The following GPR143 variants were observed in gnomAD, a reference collection of about 807,000 sequenced individuals.
GPR143 encodes the protein G protein-coupled receptor 143.
A neutral mutation model predicts 27.6 loss-of-function variants in GPR143; 8 were observed. The observed-to-expected ratio is 0.29, with a 90% CI of 0.17 to 0.52. GPR143 has a LOEUF of 0.52. GPR143 is among the 20% of genes least tolerant of loss of function. The pLI is 0.96. For missense variants in GPR143, 303 were observed against 343.1 expected (o/e 0.88, Z 0.92); for synonymous variants, 156 against 153.2 (o/e 1.02, Z -0.13).
intron 1 of GPR143, among the ~76,000 whole-genome samples, chrX:9,776,549 CTTTT>C (rs145411367): frequency 5.6e-5 from 4 of 71,603 alleles, no homozygotes; most frequent in East Asian, 8.9e-4. Context: ...CCATGCCTAG[CTTTT>C]TTTTTTTTTT....
intron 3 of GPR143, among the ~76,000 whole-genome samples, chrX:9,749,271 G>A (rs1048352488): frequency 2.1e-5 from 2 of 94,724 alleles, no homozygotes; most frequent in African/African-American, 4.1e-5. Context: ...GCTGCCTTGT[G>A]AAGAAGGTGT....
chrX:9,770,160 C>CAAAAA (rs55901901), upstream of GPR143, among the ~76,000 whole-genome samples: 1 of 26,825 alleles, frequency 3.7e-5, no homozygotes, highest in Non-Finnish European at 5.8e-5. Context: ...CTCCCCCAGT[C>CAAAAA]AAAAAAAAAA....
intron 1 of GPR143, among the ~76,000 whole-genome samples, chrX:9,772,813 C>CAAAAAA (rs57110568): frequency 4.0e-5 from 2 of 49,815 alleles, no homozygotes; most frequent in Non-Finnish European, 3.5e-5. Context: ...GATCCTGTCT[C>CAAAAAA]AAAAAAAAAA....
chrX:9,730,899 C>T (rs974726647), intron 8 of GPR143, among the ~76,000 whole-genome samples: 1 of 111,421 alleles, frequency 9.0e-6, no homozygotes, highest in Non-Finnish European at 1.9e-5. Flanking sequence ...CCACATTTAT[C>T]TCTACAGCTT....
chrX:9,776,364 G>A (rs752436767), intron 1 of GPR143, among the ~76,000 whole-genome samples: 2 of 111,552 alleles, frequency 1.8e-5, no homozygotes, highest in East Asian at 2.8e-4. Flanking sequence ...TAAACGTAAC[G>A]TGTGTATAAC....
chrX:9,739,626 T>A lies in GPR143; in HGVS notation c.979A>T (p.Ile327Phe). 2 of 1,203,861 alleles carry A rather than the reference T, an allele frequency of 1.7e-6. No individual in the cohort carries two copies. Among genetic ancestry groups the A allele is most frequent in the Non-Finnish European group, 2.2e-6 (2 of 890,385 alleles). Reference protein sequence around the residue: ...SLGFQSPRKEIQWESLTTSAA... With the variant: ...SLGFQSPRKEFQWESLTTSAA... Reference sequence around the variant, plus strand: ...GAGGTGGTCAGTGATTCCCACTGGATCTCCTTCCTGGGAGACTGAAAACCC... The same window carrying A: ...GAGGTGGTCAGTGATTCCCACTGGAACTCCTTCCTGGGAGACTGAAAACCC... Residue 327 changes from isoleucine to phenylalanine, a missense_variant, in exon 8 of 9, where the codon ATC (isoleucine) becomes TTC (phenylalanine). By Grantham distance (21) the Ile-to-Phe change is conservative. Transcript: ENST00000467482.
At chrX:9,771,706 TCTCTC>T (rs376473844) in intron 1 of GPR143, among the ~76,000 whole-genome samples, 3 of 33,684 alleles carry the variant, frequency 8.9e-5, no homozygotes, top group African/African-American at 3.9e-4. Flanking sequence ...TGGAGCATTC[TCTCTC>T]TTTTTTTTTT....
chrX:9,770,719 T>G (rs183829958), upstream of GPR143, among the ~76,000 whole-genome samples: 70 of 111,665 alleles, frequency 6.3e-4, no homozygotes, highest in Middle Eastern at 4.7e-3. Context: ...TAATTTGCTT[T>G]CTTCCTTCCT....
At chrX:9,766,927 AC>A, upstream of GPR143, among the ~76,000 whole-genome samples, 2 of 107,912 alleles carry the variant, frequency 1.9e-5, no homozygotes, top group Non-Finnish European at 3.8e-5. Context: ...ACACACACAC[AC>A]ACACACACAC....
At chrX:9,739,849 G>A (rs2083395117) in intron 7 of GPR143, 130 bp from the exon 8 acceptor site, 1 of 527,306 alleles carries the variant, frequency 1.9e-6, no homozygotes, top group Non-Finnish European at 3.3e-6. Context: ...AGGGACCATG[G>A]GTTGGCTGGT....
chrX:9,750,275 T>C (rs2083445957), intron 3 of GPR143, among the ~76,000 whole-genome samples: 3 of 111,149 alleles, frequency 2.7e-5, no homozygotes. Context: ...AGTGATGCAA[T>C]CATAGTTCAC....
chrX:9,748,725 C>T, intron 3 of GPR143, 59 bp from the exon 4 acceptor site: 8 of 801,220 alleles, frequency 1.0e-5, no homozygotes, highest in Non-Finnish European at 1.1e-5. Flanking sequence ...CTGCCTGGAA[C>T]TGCCAGGCCA....
rs1161135364 is a variant in GPR143 at position 9,739,609 on chromosome X, C to G, written c.996G>C (p.Leu332=). The G allele has an allele frequency of 5.8e-6, 7 of 1,202,282 alleles. No individual in the cohort carries two copies. The highest frequency in any genetic ancestry group is 7.9e-6 in the Non-Finnish European group (7 of 889,170). The part of the protein sequence containing the change: ...SPRKEIQWES[L]TTSAAEGAHP... ...GAGCCCCCTCAGCAGCCGAGGTGGT[C>G]AGTGATTCCCACTGGATCTCCTTCC... is the stretch of plus-strand genomic sequence containing the variant. Residue 332 remains leucine (L), a synonymous_variant, in exon 8 of 9, where the codon CTG becomes CTC. Transcript: ENST00000467482.
intron 1 of GPR143, among the ~76,000 whole-genome samples, chrX:9,765,282 C>T (rs1311140277): frequency 9.0e-6 from 1 of 110,697 alleles, no homozygotes; most frequent in Non-Finnish European, 1.9e-5. Flanking sequence ...GGTCCCAACC[C>T]CAGGGCCTCA....
At chrX:9,738,382 G>T (rs1371211433) in intron 8 of GPR143, 17 of 736,637 alleles carry the variant, frequency 2.3e-5, no homozygotes, top group Non-Finnish European at 2.7e-5. Flanking sequence ...AGTTCCAGCT[G>T]GTGGGTCCCT....
chrX:9,731,140 G>A (rs1193850992), intron 8 of GPR143, among the ~76,000 whole-genome samples: 4 of 112,006 alleles, frequency 3.6e-5, no homozygotes, highest in African/African-American at 1.3e-4. Flanking sequence ...CTAAAACAGA[G>A]GCCTGTTGGG....
intron 6 of GPR143, among the ~76,000 whole-genome samples, chrX:9,742,638 T>C (rs1314432294): frequency 8.9e-6 from 1 of 112,123 alleles, no homozygotes; most frequent in Non-Finnish European, 1.9e-5. Flanking sequence ...TGGTTACAGG[T>C]CTGTTTTCAA....
chrX:9,739,325 A>G (rs1452167500), intron 8 of GPR143, among the ~76,000 whole-genome samples, 160 bp downstream of exon 8: 1 of 111,714 alleles, frequency 9.0e-6, no homozygotes, highest in Non-Finnish European at 1.9e-5. Flanking sequence ...GGTTGTCACA[A>G]TTGGGGAGGT....
upstream of GPR143, among the ~76,000 whole-genome samples, chrX:9,770,769 T>A (rs1387268734): frequency 2.7e-5 from 3 of 111,759 alleles, no homozygotes; most frequent in African/African-American, 9.8e-5. Flanking sequence ...AGAGTCCTTA[T>A]AGACACACAA....
Sources: gnomAD v4.1 joint callset for allele counts (sites outside exome capture counted in the v4.1 genomes callset) on GRCh38, gnomAD v4.1.1 for gene constraint, MANE v1.5 for transcripts, NCBI Gene and HGNC (gene_info 2026-07-23, HGNC 2026-07-21) for gene names.